ASAP1: variants seen among roughly 807,000 people sequenced by gnomAD.
The protein encoded by ASAP1 is arf-GAP with SH3 domain, ANK repeat and PH domain-containing protein 1.
ASAP1 carries 43 observed loss-of-function variants against 145.2 expected under a neutral mutation model. The observed-to-expected ratio is 0.30, with a 90% CI of 0.23 to 0.38. ASAP1 has a LOEUF of 0.38. Ranked by LOEUF, ASAP1 falls within the 10% of genes least tolerant of loss-of-function variation. The pLI is 1.00. For synonymous variants in ASAP1, 546 were observed against 515.5 expected (o/e 1.06, Z -0.80); for missense variants, 1,018 against 1,355.3 (o/e 0.75, Z 3.91).
chr8:130,150,046 C>T (rs1045498370), intron 13 of ASAP1, among the ~76,000 whole-genome samples: 2 of 152,178 alleles, frequency 1.3e-5, no homozygotes, highest in East Asian at 1.9e-4. Context: ...AATAAACTAA[C>T]GGTAATAGCA....
intron 15 of ASAP1, among the ~76,000 whole-genome samples, chr8:130,133,776 G>A (rs538590198): frequency 6.6e-6 from 1 of 152,168 alleles, no homozygotes; most frequent in East Asian, 1.9e-4. Flanking sequence ...TATTGACTCT[G>A]TTCACCCCAG....
intron 27 of ASAP1, among the ~76,000 whole-genome samples, chr8:130,072,832 G>GTGTGCGT (rs61663506): frequency 8.5e-5 from 1 of 11,734 alleles, no homozygotes; most frequent in African/African-American, 4.0e-4. Context: ...TGTGCGCGCG[G>GTGTGCGT]GGGGGGGCAG....
intron 6 of ASAP1, among the ~76,000 whole-genome samples, chr8:130,187,565 A>C (rs1246253031): frequency 1.3e-5 from 2 of 151,908 alleles, no homozygotes; most frequent in East Asian, 3.9e-4. Flanking sequence ...ACAGGCACTC[A>C]CCACCACCCC....
At chr8:130,292,183 T>G (rs1256703494) in intron 3 of ASAP1, among the ~76,000 whole-genome samples, 1 of 152,144 alleles carries the variant, frequency 6.6e-6, no homozygotes, top group Non-Finnish European at 1.5e-5. Context: ...AAAAACAAAG[T>G]CTGAATCATG....
intron 11 of ASAP1, among the ~76,000 whole-genome samples, chr8:130,166,604 A>C (rs749606805): frequency 6.6e-6 from 1 of 152,134 alleles, no homozygotes; most frequent in Non-Finnish European, 1.5e-5. Context: ...AATAGTATCC[A>C]TACCACTTTA....
intron 1 of ASAP1, among the ~76,000 whole-genome samples, chr8:130,424,065 A>G (rs1829822575): frequency 6.6e-6 from 1 of 152,242 alleles, no homozygotes; most frequent in Admixed American, 6.5e-5. Flanking sequence ...TTTGCATGGC[A>G]TGTGAATTAT....
In ASAP1 at chr8:130,058,011, G is replaced by A. The variant is rs371553753; in HGVS notation, c.3258C>T (p.Leu1086=). The change falls in exon 29 of 30, where the codon CTC becomes CTT. Residue 1086 remains leucine (L), a synonymous_variant. Transcript: ENST00000518721. Reference sequence around the variant, plus strand: ...TAATCACTTCTCCCTCGATGAATGTGAGCTCGTCATCGTTGTCTGCCTGGC... The same window carrying A: ...TAATCACTTCTCCCTCGATGAATGTAAGCTCGTCATCGTTGTCTGCCTGGC... ...YDCQADNDDE[L]TFIEGEVIIV... is the part of the protein sequence containing the mutation. 5.0e-6 allele frequency: 8 copies of A among 1,614,190 alleles called. No homozygotes were observed. Among genetic ancestry groups the A allele is most frequent in the Non-Finnish European group, 6.8e-6 (8 of 1,179,994 alleles).
intron 4 of ASAP1, among the ~76,000 whole-genome samples, chr8:130,226,789 T>C (rs547873759): frequency 6.6e-6 from 1 of 152,362 alleles, no homozygotes; most frequent in East Asian, 1.9e-4. Context: ...GAAGCAGAAA[T>C]GTTCTCTCTT....
At chr8:130,153,358 TGTATATATATATATATATATATATA>T (rs2097651344) in intron 12 of ASAP1, among the ~76,000 whole-genome samples, 2 of 44,170 alleles carry the variant, frequency 4.5e-5, no homozygotes, top group Non-Finnish European at 9.3e-5. Context: ...TATATATATA[TGTATATATATATATATATATATATA>T]TTTTGAGACA....
Position 130,054,808 on chromosome 8 carries a change from G to A in ASAP1, c.3316-3C>T, listed in dbSNP as rs773096499. ...GGCTGTCCTTCGATGTGGCCAATCTGCAGGGAGAAAAGAGAGTGGTCAGGA... is the reference window on the plus strand; with the variant it reads ...GGCTGTCCTTCGATGTGGCCAATCTACAGGGAGAAAAGAGAGTGGTCAGGA... On this transcript the variant is annotated splice_polypyrimidine_tract_variant and splice_region_variant and intron_variant, in intron 29 of 29. Transcript: ENST00000518721. 5.3e-5 allele frequency: 86 copies of A among 1,612,890 alleles called. No individual in the cohort carries two copies. Among genetic ancestry groups the A allele is most frequent in the Admixed American group, 1.0e-4 (6 of 59,980 alleles).
chr8:130,262,457 A>AG (rs796416744), intron 3 of ASAP1, among the ~76,000 whole-genome samples: 1 of 127,802 alleles, frequency 7.8e-6, no homozygotes, highest in Non-Finnish European at 1.6e-5. Context: ...AGAGAGAGAG[A>AG]ACCTGTGGAA....
chr8:130,141,445 C>T (rs577268315), intron 13 of ASAP1, among the ~76,000 whole-genome samples: 8 of 152,154 alleles, frequency 5.3e-5, no homozygotes, highest in Non-Finnish European at 1.2e-4. Context: ...TCAGAGGAGG[C>T]GGTACCTGGC....
chr8:130,397,272 C>A (rs1043542477), intron 2 of ASAP1, among the ~76,000 whole-genome samples: 4 of 152,102 alleles, frequency 2.6e-5, no homozygotes, highest in African/African-American at 9.7e-5. Context: ...TCCCAAGCAG[C>A]TGGGACTACA....
intron 1 of ASAP1, among the ~76,000 whole-genome samples, 193 bp downstream of exon 1, chr8:130,443,267 C>A (rs1048948515): frequency 6.6e-6 from 1 of 151,900 alleles, no homozygotes; most frequent in Non-Finnish European, 1.5e-5. Flanking sequence ...GGCCGCGCGT[C>A]CCGCACACGC....
At chr8:130,252,198 C>T (rs1417895734) in intron 3 of ASAP1, among the ~76,000 whole-genome samples, 7 of 152,078 alleles carry the variant, frequency 4.6e-5, no homozygotes, top group African/African-American at 1.7e-4. Context: ...GGACAAAGGT[C>T]TATCATTTAT....
Position 130,115,683 on chromosome 8 carries a change from T to G in ASAP1, c.2117A>C (p.Glu706Ala). 6.2e-7 allele frequency: 1 copy of G among 1,614,194 alleles called. No homozygotes were observed. The highest frequency in any genetic ancestry group is 1.1e-5 in the South Asian group (1 of 91,086). Residue 706 changes from glutamate (E) to alanine (A), a missense_variant, in exon 23 of 30, where the codon GAG (glutamate) becomes GCG (alanine). Physicochemically the swap from Glu to Ala is moderately radical, Grantham distance 107. Transcript: ENST00000518721. The stretch of plus-strand genomic sequence containing the variant: ...TATCTCCTCCTGTCGAAGATTCCAC[T>G]CATATTCTACGTGGACGTGTGGATT... ...KFNPHVHVEYEWNLRQEEIDE... is the reference protein window; with the variant it reads ...KFNPHVHVEYAWNLRQEEIDE...
intron 3 of ASAP1, among the ~76,000 whole-genome samples, chr8:130,305,393 C>G (rs1484775487): frequency 1.3e-5 from 2 of 152,230 alleles, no homozygotes; most frequent in Non-Finnish European, 2.9e-5. Flanking sequence ...GTTGCCCAGG[C>G]TGGAGTCCAG....
intron 3 of ASAP1, among the ~76,000 whole-genome samples, chr8:130,313,513 G>A (rs934429707): frequency 7.9e-5 from 12 of 152,266 alleles, no homozygotes; most frequent in South Asian, 2.1e-4. Flanking sequence ...GTTATCTGCC[G>A]AGTAACAGAC....
intron 7 of ASAP1, among the ~76,000 whole-genome samples, chr8:130,185,167 C>CTT (rs1284399162): frequency 1.3e-5 from 2 of 152,292 alleles, no homozygotes; most frequent in African/African-American, 4.8e-5. Context: ...CACCACTATA[C>CTT]TTTAGTGACA....
Sources: allele counts gnomAD v4.1 joint callset (sites outside exome capture counted in the v4.1 genomes callset), GRCh38; gene constraint gnomAD v4.1.1; transcripts MANE v1.5; gene names NCBI Gene and HGNC (gene_info 2026-07-23, HGNC 2026-07-21).